The following RNF146 variants were observed in gnomAD, a reference collection of about 807,000 sequenced individuals.
RNF146 encodes the protein E3 ubiquitin-protein ligase RNF146.
A neutral mutation model predicts 29.7 loss-of-function variants in RNF146; 11 were observed. That is an observed-to-expected ratio of 0.37 (90% CI 0.23 to 0.61). The LOEUF (loss-of-function observed/expected upper bound fraction) is 0.61, where lower values mean the gene tolerates loss of function less well. Among genes scored for constraint, RNF146 ranks in the 20% least tolerant of loss-of-function variants. The pLI, the probability that RNF146 is intolerant of heterozygous loss-of-function variation, is 0.66. For missense variants in RNF146, 342 were observed against 438.9 expected (o/e 0.78, Z 1.97); for synonymous variants, 150 against 159.7 (o/e 0.94, Z 0.46).
chr6:127,285,163 A>C, intron 2 of RNF146: 2 of 977,420 alleles, frequency 2.0e-6, no homozygotes, highest in Non-Finnish European at 2.4e-6. Flanking sequence ...TTTACTAGAT[A>C]TGTGCCATCT....
At chr6:127,271,873 C>T (rs997677821) in intron 1 of RNF146, among the ~76,000 whole-genome samples, 8 of 152,098 alleles carry the variant, frequency 5.3e-5, no homozygotes, top group African/African-American at 1.9e-4. Context: ...GTCTATAACT[C>T]CTAGGCTCAA....
intron 2 of RNF146, among the ~76,000 whole-genome samples, chr6:127,283,662 C>T (rs2114500980): frequency 6.6e-6 from 1 of 151,916 alleles, no homozygotes. Context: ...GCATGTGCCT[C>T]ATTCAGAATT....
At chr6:127,269,503 A>T (rs1777152274) in intron 1 of RNF146, among the ~76,000 whole-genome samples, 1 of 152,190 alleles carries the variant, frequency 6.6e-6, no homozygotes, top group Admixed American at 6.5e-5. Context: ...AAAGGGTTTA[A>T]TGGGCTAGTA....
chr6:127,280,430 GT>G, intron 2 of RNF146, 90 bp downstream of exon 2: 1 of 1,422,638 alleles, frequency 7.0e-7, no homozygotes, highest in Non-Finnish European at 9.4e-7. Flanking sequence ...GTCATATGTA[GT>G]TTTAATTATA....
Position 127,286,486 on chromosome 6 carries a change from A to G in RNF146, c.3-130A>G, listed in dbSNP as rs556463841. On this transcript the variant is annotated intron_variant, in intron 2 of 2. Transcript: ENST00000368314. The surrounding 1 kb of genome is among the most constrained non-coding windows in gnomAD (Gnocchi z 4.6). ...GAGTTTTTCCTCTACTTTCATCTTC[A>G]TATCCCCATTGTCTAGTATGTGGCT... is the stretch of plus-strand genomic sequence containing the variant. 2.1e-4 allele frequency: 194 copies of G among 910,064 alleles called. 2 individuals carry two copies. In the African/African-American group the frequency reaches 3.0e-3, roughly 14 times the overall value. The allele number at this position is 910,064 out of a possible 1,614,324, so 56.4% of individuals were successfully genotyped here. A position where few individuals can be genotyped will look rare whatever the true frequency, so the allele number is the denominator to read the frequency against.
In RNF146 at chr6:127,268,085, TTTTG is replaced by T. The variant is rs796503528; in HGVS notation, c.-109+1164_-109+1167del. On this transcript the variant is annotated intron_variant, in intron 1 of 2. Transcript: ENST00000368314. ...GCACTTATTTCTCAAGTTTTGAACA[TTTTG>T]TTTAATATTTTTGTAATATCGAAAC... 9.3e-4 allele frequency among the ~76,000 whole-genome samples: 141 copies of T among 152,322 alleles called. 2 individuals are homozygous for T. The highest frequency in any genetic ancestry group is 3.3e-3 in the African/African-American group (137 of 41,574).
At chr6:127,279,769 T>C (rs756951994) in intron 1 of RNF146, among the ~76,000 whole-genome samples, 1 of 151,892 alleles carries the variant, frequency 6.6e-6, no homozygotes, top group African/African-American at 2.4e-5. Flanking sequence ...CAGTAATGCT[T>C]TATAGTTTTC....
intron 2 of RNF146, among the ~76,000 whole-genome samples, chr6:127,284,205 C>T (rs952846461): frequency 3.3e-5 from 5 of 151,744 alleles, no homozygotes; most frequent in Admixed American, 1.3e-4. Flanking sequence ...CATTGGTCCA[C>T]GTGACATGTT....
chr6:127,279,716 A>G (rs1207105303), intron 1 of RNF146, among the ~76,000 whole-genome samples: 1 of 151,832 alleles, frequency 6.6e-6, no homozygotes, highest in Non-Finnish European at 1.5e-5. Context: ...CTTCCAATCC[A>G]TACATCACTT....
At chr6:127,270,787 T>A (rs1777364117) in intron 1 of RNF146, among the ~76,000 whole-genome samples, 1 of 152,104 alleles carries the variant, frequency 6.6e-6, no homozygotes, top group Non-Finnish European at 1.5e-5. Flanking sequence ...CCATTTCTAC[T>A]TAATGAATGT....
intron 1 of RNF146, among the ~76,000 whole-genome samples, 196 bp from the exon 2 acceptor site, chr6:127,280,035 T>G (rs1053691853): frequency 2.0e-5 from 3 of 151,910 alleles, no homozygotes; most frequent in Middle Eastern, 3.4e-3. Context: ...TCCTTACCCG[T>G]CTGTATGCCT....
chr6:127,270,102 A>T lies in RNF146; in HGVS notation c.-109+3177A>T, dbSNP rs138425079. On this transcript the variant is annotated intron_variant, in intron 1 of 2. Coordinates refer to ENST00000368314, the MANE Select transcript of RNF146 (RefSeq NM_001242850.2). ...AAAAACTCTTGACTTTGATCTTGTGACTGACTTGAAAAGTGGGAGTATGAG... is the reference window on the plus strand; with the variant it reads ...AAAAACTCTTGACTTTGATCTTGTGTCTGACTTGAAAAGTGGGAGTATGAG... Among the ~76,000 whole-genome samples, 13 of 152,236 alleles carry T rather than the reference A, an allele frequency of 8.5e-5. No individual in the cohort carries two copies. The East Asian group carries it at 1.9e-3, about 23-fold the overall frequency.
chr6:127,286,467 T>C lies in RNF146; in HGVS notation c.3-149T>C. ...AAAATTTTCATCGGTTGGAGAGTTT[T>C]TCCTCTACTTTCATCTTCATATCCC... is the stretch of plus-strand genomic sequence containing the variant. On this transcript the variant is annotated intron_variant, in intron 2 of 2. Transcript: ENST00000368314. This position sits in a 1 kb window ranked among gnomAD's most constrained non-coding sequence, Gnocchi z 4.6. 1 of 836,192 alleles carries C rather than the reference T, an allele frequency of 1.2e-6. No individual in the cohort carries two copies. Among genetic ancestry groups the C allele is most frequent in the Non-Finnish European group, 1.8e-6 (1 of 556,988 alleles). The allele number at this position is 836,192 out of a possible 1,614,324, so 51.8% of individuals were successfully genotyped here.
At chr6:127,266,750 G>C (rs1389495780), upstream of RNF146, 1 of 152,176 alleles carries the variant, frequency 6.6e-6, no homozygotes, top group Non-Finnish European at 1.5e-5. Context: ...GACAGGGGCA[G>C]AACGATGAGG....
At chr6:127,280,469 A>G (rs545545917) in intron 2 of RNF146, 129 bp downstream of exon 2, 3 of 1,339,948 alleles carry the variant, frequency 2.2e-6, no homozygotes, top group South Asian at 3.6e-5. Context: ...TTTGACTTAT[A>G]GGTGCTTTAT....
intron 1 of RNF146, among the ~76,000 whole-genome samples, chr6:127,273,211 G>T (rs1482726092): frequency 6.6e-6 from 1 of 152,192 alleles, no homozygotes; most frequent in Non-Finnish European, 1.5e-5. Context: ...TCCAATACAT[G>T]CAGAGATGAT....
Position 127,287,892 on chromosome 6 carries a change from T to C in RNF146, c.*199T>C. The C allele has an allele frequency of 2.1e-6, 1 of 475,994 alleles. No homozygotes were observed. Among genetic ancestry groups the C allele is most frequent in the South Asian group, 3.6e-5 (1 of 27,444 alleles). 29.5% of individuals were successfully genotyped at this position (475,994 alleles called of 1,614,324 possible). ...TTAATGTAAGGAACTTGGGTGTTAA[T>C]AGTTGAGAGCTGTTTAGTAATAACC... On this transcript the variant is annotated 3_prime_UTR_variant, in exon 3 of 3. Transcript: ENST00000368314.
intron 1 of RNF146, among the ~76,000 whole-genome samples, chr6:127,270,166 A>T (rs1394776072): frequency 6.6e-6 from 1 of 152,102 alleles, no homozygotes; most frequent in Non-Finnish European, 1.5e-5. Flanking sequence ...GTACAATATT[A>T]CTTCATTTTT....
At chr6:127,285,420 A>C (rs1478770411) in intron 2 of RNF146, 1 of 779,204 alleles carries the variant, frequency 1.3e-6, no homozygotes, top group Non-Finnish European at 1.6e-6. Context: ...GCTGGCAGAG[A>C]GATTGTCATT....
Sources: gnomAD v4.1 joint callset for allele counts (sites outside exome capture counted in the v4.1 genomes callset) on GRCh38, gnomAD v4.1.1 for gene constraint, Gnocchi (gnomAD v3.1) non-coding constraint, MANE v1.5 for transcripts, NCBI Gene and HGNC (gene_info 2026-07-23, HGNC 2026-07-21) for gene names.